Variants in OR52N4 observed in about 807,000 individuals in gnomAD.
OR52N4 encodes the protein olfactory receptor 52N4.
A neutral mutation model predicts 15.0 loss-of-function variants in OR52N4; 15 were observed. The observed-to-expected ratio is 1.00, with a 90% CI of 0.67 to 1.54. The LOEUF is 1.54. Among genes scored for constraint, OR52N4 ranks in the 40% most tolerant of loss-of-function variants. OR52N4 has a pLI of 0.00. For synonymous variants in OR52N4, 143 were observed against 143.7 expected (o/e 1.00, Z 0.03); for missense variants, 421 against 394.0 (o/e 1.07, Z -0.58).
chr11:5,747,784 A>C, the OR52N4 span, among the ~76,000 whole-genome samples: 1 of 152,050 alleles, frequency 6.6e-6, no homozygotes, highest in African/African-American at 2.4e-5. Context: ...AAGAAAAATA[A>C]AGGAAAATAC....
chr11:5,751,135 A>G (rs1046649141), upstream of OR52N4, among the ~76,000 whole-genome samples: 37 of 152,150 alleles, frequency 2.4e-4, no homozygotes, highest in African/African-American at 8.9e-4. Context: ...TTAGCTTTGA[A>G]TTCTTTTTTC....
In OR52N4 at chr11:5,754,848, GTATGT is replaced by G. The variant is rs1446711330; in HGVS notation, c.110_114del (p.Tyr37CysfsTer16). On this transcript the variant is annotated frameshift_variant, in exon 2 of 2. Coordinates refer to ENST00000641350, the MANE Select transcript of OR52N4 (RefSeq NM_001005175.5). LOFTEE classifies it high-confidence loss of function. ...GGATTTCCTTCCCATTCTGCTCTAT[GTATGT>G]TGTGGCTATGGTAGGGAATTGTGGA... is the stretch of plus-strand genomic sequence containing the variant. 1 of 1,613,696 alleles carries G rather than the reference GTATGT, an allele frequency of 6.2e-7. No homozygotes were observed. Among genetic ancestry groups the G allele is most frequent in the South Asian group, 1.1e-5 (1 of 91,080 alleles).
At chr11:5,737,283 T>A in the OR52N4 span, 2 of 1,614,122 alleles carry the variant, frequency 1.2e-6, no homozygotes, top group African/African-American at 2.7e-5. Flanking sequence ...CATCTCACCC[T>A]CATCCTTTTC....
chr11:5,752,987 T>C (rs1854221319), upstream of OR52N4, among the ~76,000 whole-genome samples: 3 of 152,234 alleles, frequency 2.0e-5, 1 homozygote, highest in South Asian at 6.2e-4. Context: ...TTGTTTATTC[T>C]TATTGTTACG....
At chr11:5,747,007 G>A in the OR52N4 span, among the ~76,000 whole-genome samples, 17,547 of 146,850 alleles carry the variant, frequency 0.12, 1,109 homozygotes, top group South Asian at 0.16. Flanking sequence ...CAAGATGGGC[G>A]GATCACTTGA....
At chr11:5,742,126 AG>A in the OR52N4 span, among the ~76,000 whole-genome samples, 1 of 152,072 alleles carries the variant, frequency 6.6e-6, no homozygotes, top group African/African-American at 2.4e-5. Flanking sequence ...AGAGAGAGAA[AG>A]AAAGAAAAGA....
chr11:5,749,613 T>C (rs189576758), upstream of OR52N4, among the ~76,000 whole-genome samples: 81 of 152,076 alleles, frequency 5.3e-4, no homozygotes, highest in Admixed American at 4.7e-3. Context: ...CCCCAAACCA[T>C]AGTCTAATTT....
At chr11:5,745,768 G>T in the OR52N4 span, among the ~76,000 whole-genome samples, 1 of 152,114 alleles carries the variant, frequency 6.6e-6, no homozygotes, top group South Asian at 2.1e-4. Flanking sequence ...AAAAAATCTG[G>T]AAGCATCACA....
the OR52N4 span, among the ~76,000 whole-genome samples, chr11:5,744,181 G>A: frequency 6.6e-6 from 1 of 152,140 alleles, no homozygotes; most frequent in East Asian, 1.9e-4. Flanking sequence ...AGAAAAAGTA[G>A]AAATACTGAC....
chr11:5,747,111 G>T, the OR52N4 span, among the ~76,000 whole-genome samples: 2 of 145,024 alleles, frequency 1.4e-5, no homozygotes, highest in Admixed American at 7.0e-5. Flanking sequence ...AAAAATATGG[G>T]GTATGGTGGT....
chr11:5,731,291 A>G, the OR52N4 span, among the ~76,000 whole-genome samples: 1 of 152,174 alleles, frequency 6.6e-6, no homozygotes, highest in African/African-American at 2.4e-5. Context: ...CCTACATCTT[A>G]TCCACTTCTC....
Position 5,754,802 on chromosome 11 carries a change from G to A in OR52N4, c.62G>A (p.Gly21Glu). The stretch of plus-strand genomic sequence containing the variant: ...TCATTTATTCTGAATGGAGTCCCAG[G>A]ACTGGAAGACACACAACTCTGGATT... ...PASFILNGVP[G>E]LEDTQLWISF... Residue 21 changes from glycine to glutamate, a missense_variant, in exon 2 of 2, where the codon GGA becomes GAA. Transcript: ENST00000641350. 2 of 1,613,532 alleles carry A rather than the reference G, an allele frequency of 1.2e-6. No homozygotes were observed. The highest frequency in any genetic ancestry group is 1.7e-6 in the Non-Finnish European group (2 of 1,179,674).
the OR52N4 span, among the ~76,000 whole-genome samples, chr11:5,745,206 GGAAAAGA>G: frequency 6.6e-6 from 1 of 151,912 alleles, no homozygotes; most frequent in African/African-American, 2.4e-5. Context: ...GAGCAATCAA[GGAAAAGA>G]AATAAATAAA....
At chr11:5,730,024 C>A in the OR52N4 span, among the ~76,000 whole-genome samples, 1 of 151,692 alleles carries the variant, frequency 6.6e-6, no homozygotes, top group South Asian at 2.1e-4. Context: ...AGAAAAATTT[C>A]TCATAACCTT....
At chr11:5,736,984 C>A in the OR52N4 span, 1 of 1,614,118 alleles carries the variant, frequency 6.2e-7, no homozygotes, top group Non-Finnish European at 8.5e-7. Flanking sequence ...CTACCCTGTT[C>A]ATGGTGCTGA....
chr11:5,750,076 T>C (rs775972963), upstream of OR52N4, among the ~76,000 whole-genome samples: 4 of 151,890 alleles, frequency 2.6e-5, no homozygotes, highest in Non-Finnish European at 4.4e-5. Context: ...ACTAAAGGTA[T>C]GCCGAAAACA....
chr11:5,736,281 C>T, the OR52N4 span: 1 of 502,720 alleles, frequency 2.0e-6, no homozygotes, highest in Non-Finnish European at 3.6e-6. Context: ...CTATAAATTT[C>T]ATCTCCCATA....
chr11:5,739,735 T>C, the OR52N4 span, among the ~76,000 whole-genome samples: 2 of 128,280 alleles, frequency 1.6e-5, 1 homozygote, highest in African/African-American at 5.6e-5. Flanking sequence ...ATAAGTAGCA[T>C]TGTTGACTGA....
At chr11:5,734,104 T>C in the OR52N4 span, 1 of 452,818 alleles carries the variant, frequency 2.2e-6, no homozygotes, top group South Asian at 1.6e-5. Context: ...ATAATTTCTG[T>C]GCCACATCTT....
Sources: allele counts gnomAD v4.1 joint callset (sites outside exome capture counted in the v4.1 genomes callset), GRCh38; gene constraint gnomAD v4.1.1; transcripts MANE v1.5; gene names NCBI Gene and HGNC (gene_info 2026-07-23, HGNC 2026-07-21).